ZCCHC2: variants seen among roughly 807,000 people sequenced by gnomAD.
ZCCHC2 encodes zinc finger CCHC domain-containing protein 2.
In ZCCHC2, 39 loss-of-function variants were observed where a neutral mutation model predicts 103.6. The observed-to-expected ratio is 0.38, with a 90% confidence interval of 0.29 to 0.49. ZCCHC2 has a LOEUF of 0.49. Among genes scored for constraint, ZCCHC2 ranks in the 20% least tolerant of loss-of-function variants. ZCCHC2 has a pLI of 0.96. For synonymous variants in ZCCHC2, 687 were observed against 608.9 expected (o/e 1.13, Z -1.89); for missense variants, 1,483 against 1,491.0 (o/e 0.99, Z 0.09).
At chr18:62,534,854 G>T (rs527723570) in intron 1 of ZCCHC2, among the ~76,000 whole-genome samples, 35 of 152,344 alleles carry the variant, frequency 2.3e-4, no homozygotes, top group African/African-American at 7.9e-4. Flanking sequence ...TGGGAAAATT[G>T]CCCATTCTAT....
chr18:62,525,015 G>A (rs1295829321), intron 1 of ZCCHC2: 1 of 152,254 alleles, frequency 6.6e-6, no homozygotes, highest in Non-Finnish European at 1.5e-5. Context: ...ACCTGCGAAT[G>A]GATCTGAGAT....
At chr18:62,524,821 C>T (rs573106458) in intron 1 of ZCCHC2, 2 of 163,590 alleles carry the variant, frequency 1.2e-5, no homozygotes, top group African/African-American at 4.8e-5. Context: ...CTCCGCCTCC[C>T]GTCTCCGGGC....
chr18:62,565,618 G>T (rs184204157), intron 11 of ZCCHC2, among the ~76,000 whole-genome samples: 2 of 151,304 alleles, frequency 1.3e-5, no homozygotes, highest in Admixed American at 1.3e-4. Context: ...TTTATTTTTA[G>T]GTTCAAGGTT....
In ZCCHC2 at chr18:62,524,097, G is replaced by A; in HGVS notation, c.673G>A (p.Gly225Ser). Residue 225 changes from glycine (G) to serine (S), a missense_variant, in exon 1 of 14, where the codon GGC (glycine) becomes AGC (serine). Transcript: ENST00000269499. ...GGAEDERGED[G>S]DGEQDAEKDG... is the part of the protein sequence containing the mutation. ...CGCGGAGGACGAGCGCGGCGAGGAC[G>A]GCGACGGCGAGCAGGACGCCGAGAA... The A allele has an allele frequency of 2.0e-6, 3 of 1,519,584 alleles. No homozygotes were observed. Among genetic ancestry groups the A allele is most frequent in the Non-Finnish European group, 2.6e-6 (3 of 1,139,156 alleles). 94.1% of individuals were successfully genotyped at this position (1,519,584 alleles called of 1,614,324 possible).
chr18:62,553,338 T>C (rs543997977), intron 5 of ZCCHC2, among the ~76,000 whole-genome samples: 1 of 152,208 alleles, frequency 6.6e-6, no homozygotes, highest in Non-Finnish European at 1.5e-5. Context: ...CTACATAATA[T>C]ACCTTTTTAG....
chr18:62,575,850 C>T (rs1184640637), intron 13 of ZCCHC2, among the ~76,000 whole-genome samples: 2 of 146,520 alleles, frequency 1.4e-5, no homozygotes, highest in Non-Finnish European at 3.0e-5. Context: ...GCTTGCAGCA[C>T]TTTTTTTTTT....
At chr18:62,553,524 T>G (rs1299512880) in intron 5 of ZCCHC2, among the ~76,000 whole-genome samples, 1 of 152,090 alleles carries the variant, frequency 6.6e-6, no homozygotes, top group Non-Finnish European at 1.5e-5. Context: ...ACTCCTAGGC[T>G]CAAGCAATCC....
Position 62,556,136 on chromosome 18 carries a change from T to G in ZCCHC2, c.1314-67T>G. Reference sequence around the variant, plus strand: ...CTGCCACTTCATTCTGCTTTATAATTGAAACTGAGCTTCTTGTGGATTAAC... The same window carrying G: ...CTGCCACTTCATTCTGCTTTATAATGGAAACTGAGCTTCTTGTGGATTAAC... On this transcript the variant is annotated intron_variant, in intron 5 of 13. Transcript: ENST00000269499. 3 of 1,306,214 alleles carry G rather than the reference T, an allele frequency of 2.3e-6. No individual in the cohort carries two copies. The South Asian group carries it at 4.0e-5, about 18-fold the overall frequency. The allele number at this position is 1,306,214 out of a possible 1,614,324, so 80.9% of individuals were successfully genotyped here.
At chr18:62,524,402 C>G in intron 1 of ZCCHC2, 39 bp downstream of exon 1, 1 of 1,431,072 alleles carries the variant, frequency 7.0e-7, no homozygotes, top group Non-Finnish European at 9.1e-7. Context: ...GCGGTGCGAT[C>G]GCTGCCCCGG....
At chr18:62,544,637 AT>A (rs1444311172) in intron 3 of ZCCHC2, among the ~76,000 whole-genome samples, 164 bp from the exon 4 acceptor site, 3 of 152,220 alleles carry the variant, frequency 2.0e-5, no homozygotes, top group African/African-American at 7.2e-5. Context: ...TGTGCAGTTA[AT>A]TTTACTAATT....
chr18:62,549,756 G>A (rs1915582813), intron 4 of ZCCHC2, among the ~76,000 whole-genome samples: 1 of 152,136 alleles, frequency 6.6e-6, no homozygotes, highest in African/African-American at 2.4e-5. Context: ...TGCTCTGAGG[G>A]CACCTCAATC....
Position 62,576,664 on chromosome 18 carries a change from C to G in ZCCHC2, c.*85C>G. On this transcript the variant is annotated 3_prime_UTR_variant, in exon 14 of 14. Transcript: ENST00000269499. ...GGAGGAAAGGAAAGGTATTTTGTTT[C>G]TTTGTCTATACATTTCCTAGATTTC... 7.6e-7 allele frequency: 1 copy of G among 1,313,360 alleles called. No individual in the cohort carries two copies. The highest frequency in any genetic ancestry group is 1.3e-5 in the South Asian group (1 of 77,998). The allele number at this position is 1,313,360 out of a possible 1,614,324, so 81.4% of individuals were successfully genotyped here.
chr18:62,523,990 G>A lies in ZCCHC2; in HGVS notation c.566G>A (p.Gly189Asp), dbSNP rs1034917881. 2 of 1,491,746 alleles carry A rather than the reference G, an allele frequency of 1.3e-6. No homozygotes were observed. The highest frequency in any genetic ancestry group is 8.9e-7 in the Non-Finnish European group (1 of 1,125,892). 92.4% of individuals were successfully genotyped at this position (1,491,746 alleles called of 1,614,324 possible). A position where few individuals can be genotyped will look rare whatever the true frequency, so the allele number is the denominator to read the frequency against. The change falls in exon 1 of 14, where the codon GGC becomes GAC. Residue 189 changes from glycine (G) to aspartate (D), a missense_variant. Transcript: ENST00000269499. ...GGCTCGGAGAACCGGGAGGCCGCTGGCCGTCTGCACCGCCTGCTACCCCAG... is the reference window on the plus strand; with the variant it reads ...GGCTCGGAGAACCGGGAGGCCGCTGACCGTCTGCACCGCCTGCTACCCCAG... ...LLGSENREAA[G>D]RLHRLLPQVD...
At chr18:62,571,171 G>C (rs1227690525) in intron 12 of ZCCHC2, among the ~76,000 whole-genome samples, 1 of 151,734 alleles carries the variant, frequency 6.6e-6, no homozygotes, top group African/African-American at 2.4e-5. Flanking sequence ...AATGTCCTGC[G>C]GGTAAGAGGC....
chr18:62,565,603 G>C (rs532740556), intron 11 of ZCCHC2, among the ~76,000 whole-genome samples: 2 of 151,120 alleles, frequency 1.3e-5, no homozygotes, highest in South Asian at 4.2e-4. Flanking sequence ...CTATTTTAAG[G>C]TCCCTTTATT....
Position 62,544,885 on chromosome 18 carries a change from AT to A in ZCCHC2, c.1200+16del. 1 of 1,515,000 alleles carries A rather than the reference AT, an allele frequency of 6.6e-7. No homozygotes were observed. Among genetic ancestry groups the A allele is most frequent in the Non-Finnish European group, 8.8e-7 (1 of 1,135,544 alleles). The allele number at this position is 1,515,000 out of a possible 1,614,324, so 93.8% of individuals were successfully genotyped here. ...AATTTCTACTGAAGGTAAAATATAG[AT>A]TTTGTTGTTAAAATGATTTTTATAT... On this transcript the variant is annotated intron_variant, in intron 4 of 13. Transcript: ENST00000269499.
At chr18:62,579,544 T>C (rs56219206), downstream of ZCCHC2, among the ~76,000 whole-genome samples, 19,284 of 152,120 alleles carry the variant, frequency 0.13, 1,561 homozygotes, top group African/African-American at 0.22. Context: ...GATTATAAAT[T>C]CCCTGATTGT....
At chr18:62,538,207 G>A (rs1371163887) in intron 1 of ZCCHC2, among the ~76,000 whole-genome samples, 2 of 144,584 alleles carry the variant, frequency 1.4e-5, no homozygotes, top group African/African-American at 2.6e-5. Context: ...GCTGCAGTGA[G>A]CTATGATCAT....
Position 62,523,228 on chromosome 18 carries a change from G to T in ZCCHC2, c.-197G>T. The T allele has an allele frequency of 3.6e-6, 1 of 277,664 alleles. No homozygotes were observed. Among genetic ancestry groups the T allele is most frequent in the Non-Finnish European group, 5.5e-6 (1 of 183,252 alleles). The allele number at this position is 277,664 out of a possible 1,614,324, so 17.2% of individuals were successfully genotyped here. The stretch of plus-strand genomic sequence containing the variant: ...CGCGGGCACGCCCCGCCCCCAGCCC[G>T]GGAAGACGACGCCAGCGACCCCGCC... On this transcript the variant is annotated 5_prime_UTR_variant, in exon 1 of 14. Coordinates refer to ENST00000269499, the MANE Select transcript of ZCCHC2 (RefSeq NM_017742.6).
Sources: gnomAD v4.1 joint callset for allele counts (sites outside exome capture counted in the v4.1 genomes callset) on GRCh38, gnomAD v4.1.1 for gene constraint, MANE v1.5 for transcripts, NCBI Gene and HGNC (gene_info 2026-07-23, HGNC 2026-07-21) for gene names.